RGS8: variants seen among roughly 807,000 people sequenced by gnomAD.
RGS8 encodes regulator of G protein signaling 8, also known as regulator of G-protein signaling 8.
In RGS8, 8 loss-of-function variants were observed where a neutral mutation model predicts 21.7. The observed-to-expected ratio is 0.37, with a 90% CI of 0.22 to 0.66. The LOEUF (loss-of-function observed/expected upper bound fraction) is 0.66, where lower values mean the gene tolerates loss of function less well. RGS8 is among the 30% of genes least tolerant of loss of function. RGS8 has a pLI of 0.59. For synonymous variants in RGS8, 80 were observed against 83.6 expected, an observed-to-expected ratio of 0.96 and a Z score of 0.24; for missense variants, 157 against 217.9, an observed-to-expected ratio of 0.72 and a Z score of 1.76.
intron 5 of RGS8, among the ~76,000 whole-genome samples, chr1:182,649,856 C>G (rs543921589): frequency 1.2e-3 from 182 of 150,254 alleles, no homozygotes; most frequent in Non-Finnish European, 2.3e-3. Flanking sequence ...CGGCAATAAT[C>G]TTTTATTTCT....
chr1:182,679,138 T>G (rs1334992347), intron 1 of RGS8, among the ~76,000 whole-genome samples: 1 of 152,166 alleles, frequency 6.6e-6, no homozygotes, highest in African/African-American at 2.4e-5. Flanking sequence ...AAAAACAATG[T>G]TCATCTCTTT....
chr1:182,676,856 A>G (rs766114038), upstream of RGS8, among the ~76,000 whole-genome samples: 1 of 152,222 alleles, frequency 6.6e-6, no homozygotes, highest in African/African-American at 2.4e-5. Context: ...GAACATCACC[A>G]AGACATTTCA....
At chr1:182,737,823 A>G in the RGS8 span, among the ~76,000 whole-genome samples, 4 of 152,244 alleles carry the variant, frequency 2.6e-5, no homozygotes, top group African/African-American at 9.6e-5. Context: ...GCCAACAACT[A>G]GGGAGGATCT....
the RGS8 span, among the ~76,000 whole-genome samples, chr1:182,701,643 C>T: frequency 1.3e-5 from 2 of 152,166 alleles, no homozygotes; most frequent in African/African-American, 4.8e-5. Flanking sequence ...AGCCCTGTAT[C>T]CAGCCGCCTG....
chr1:182,745,358 T>C, the RGS8 span, among the ~76,000 whole-genome samples: 3 of 152,224 alleles, frequency 2.0e-5, no homozygotes, highest in Non-Finnish European at 4.4e-5. Flanking sequence ...AACCAACTGT[T>C]TTCAAACATT....
intron 5 of RGS8, among the ~76,000 whole-genome samples, chr1:182,657,195 CT>C (rs1285281736): frequency 6.6e-6 from 1 of 151,862 alleles, no homozygotes; most frequent in Non-Finnish European, 1.5e-5. Flanking sequence ...CAGCTCCACA[CT>C]GTTTCTCCCC....
the RGS8 span, among the ~76,000 whole-genome samples, chr1:182,704,620 T>G: frequency 6.6e-6 from 1 of 152,216 alleles, no homozygotes; most frequent in Non-Finnish European, 1.5e-5. Context: ...CTGGTCCCTT[T>G]CCACTCCCCT....
chr1:182,703,817 C>G, the RGS8 span, among the ~76,000 whole-genome samples: 2 of 152,120 alleles, frequency 1.3e-5, no homozygotes, highest in African/African-American at 4.8e-5. Context: ...AGGGGTGATG[C>G]CGAGTAGGCT....
the RGS8 span, among the ~76,000 whole-genome samples, chr1:182,703,320 AGAG>A: frequency 4.6e-5 from 7 of 152,196 alleles, no homozygotes; most frequent in Non-Finnish European, 7.3e-5. Flanking sequence ...TGTTATCTCA[AGAG>A]GAGATTACAC....
chr1:182,703,888 T>G, the RGS8 span, among the ~76,000 whole-genome samples: 1 of 152,250 alleles, frequency 6.6e-6, no homozygotes, highest in Non-Finnish European at 1.5e-5. Context: ...CAAATTTTAT[T>G]ATTCGTTTAA....
chr1:182,696,471 T>C, the RGS8 span, among the ~76,000 whole-genome samples: 8 of 152,038 alleles, frequency 5.3e-5, no homozygotes, highest in Non-Finnish European at 7.4e-5. Flanking sequence ...GATTCTCATG[T>C]CCCAGCCCCC....
chr1:182,693,391 G>C, the RGS8 span, among the ~76,000 whole-genome samples: 2 of 152,176 alleles, frequency 1.3e-5, no homozygotes, highest in South Asian at 4.1e-4. Flanking sequence ...CTAATCATTA[G>C]AGAAATACAA....
chr1:182,725,954 G>A, the RGS8 span, among the ~76,000 whole-genome samples: 3 of 152,176 alleles, frequency 2.0e-5, no homozygotes, highest in Admixed American at 6.5e-5. Flanking sequence ...GTATAGAGAA[G>A]ATAGTTAATA....
upstream of RGS8, among the ~76,000 whole-genome samples, chr1:182,689,028 T>C (rs1422425158): frequency 6.6e-6 from 1 of 152,212 alleles, no homozygotes; most frequent in Non-Finnish European, 1.5e-5. Context: ...CGTGGTAATT[T>C]GTTATGGTAG....
At chr1:182,691,607 TAAAAAAA>T in the RGS8 span, among the ~76,000 whole-genome samples, 1 of 27,226 alleles carries the variant, frequency 3.7e-5, no homozygotes, top group Non-Finnish European at 6.5e-5. Flanking sequence ...CCCTTCATGT[TAAAAAAA>T]AAAAAAAAAA....
At chr1:182,726,744 T>C in the RGS8 span, among the ~76,000 whole-genome samples, 7 of 151,922 alleles carry the variant, frequency 4.6e-5, no homozygotes, top group South Asian at 1.0e-3. Context: ...TAGAAAGTAA[T>C]GCACTACTTA....
intron 2 of RGS8, among the ~76,000 whole-genome samples, chr1:182,670,005 A>G (rs1199850932): frequency 6.6e-6 from 1 of 152,242 alleles, no homozygotes; most frequent in African/African-American, 2.4e-5. Flanking sequence ...TATAAAGTGG[A>G]ACGTGTGCCT....
chr1:182,698,291 TC>T, the RGS8 span, among the ~76,000 whole-genome samples: 4 of 152,198 alleles, frequency 2.6e-5, no homozygotes, highest in African/African-American at 9.6e-5. Context: ...TTTTATTGTG[TC>T]CATCATAGTA....
the RGS8 span, among the ~76,000 whole-genome samples, chr1:182,718,022 T>C: frequency 2.0e-5 from 3 of 152,238 alleles, no homozygotes. Flanking sequence ...TGAAAACTGT[T>C]GTCCACGTAG....
Sources: allele counts gnomAD v4.1 joint callset (sites outside exome capture counted in the v4.1 genomes callset), GRCh38; gene constraint gnomAD v4.1.1; transcripts MANE v1.5; gene names NCBI Gene and HGNC (gene_info 2026-07-23, HGNC 2026-07-21).